The following BICC1 variants were observed in gnomAD, a reference collection of about 807,000 sequenced individuals.
BICC1 encodes the protein BicC family RNA binding protein 1.
BICC1 carries 43 observed loss-of-function variants against 111.0 expected under a neutral mutation model. That is an observed-to-expected ratio of 0.39 (90% confidence interval 0.30 to 0.50). BICC1 has a LOEUF of 0.50. Ranked by LOEUF, BICC1 falls within the 20% of genes least tolerant of loss-of-function variation. The pLI is 0.88. For synonymous variants in BICC1, 467 were observed against 434.4 expected, an observed-to-expected ratio of 1.07 and a Z score of -0.93; for missense variants, 1,091 against 1,203.2, an observed-to-expected ratio of 0.91 and a Z score of 1.38.
At chr10:58,518,574 T>TTGTG (rs145171063) in intron 1 of BICC1, among the ~76,000 whole-genome samples, 8 of 59,264 alleles carry the variant, frequency 1.3e-4, no homozygotes, top group Non-Finnish European at 2.0e-4. Flanking sequence ...TGTGAATCCT[T>TTGTG]TGTGTATGTG....
intron 2 of BICC1, among the ~76,000 whole-genome samples, chr10:58,663,694 C>T (rs1431802503): frequency 6.6e-6 from 1 of 152,194 alleles, no homozygotes; most frequent in East Asian, 1.9e-4. Flanking sequence ...GCCTGATGAT[C>T]TGCGGTGGGA....
intron 2 of BICC1, among the ~76,000 whole-genome samples, chr10:58,622,373 A>G (rs1845845797): frequency 6.6e-6 from 1 of 152,216 alleles, no homozygotes; most frequent in Admixed American, 6.5e-5. Context: ...GAGTCAAAAT[A>G]TGGTGTATAT....
rs1352119954 is a variant in BICC1, at chr10:58,676,524, C to A, written c.238-25550C>A. Among the ~76,000 whole-genome samples the A allele has an allele frequency of 3.9e-5, 6 of 152,318 alleles. No individual in the cohort carries two copies. In the East Asian group the frequency reaches 1.2e-3, roughly 29 times the overall value. On this transcript the variant is annotated intron_variant, in intron 2 of 20. Transcript: ENST00000373886. Reference sequence around the variant, plus strand: ...GATTCCTCCTCTCTGGGCAGGGAATCTCTGAAAGGCAACAGCCCCAGTCAG... The same window carrying A: ...GATTCCTCCTCTCTGGGCAGGGAATATCTGAAAGGCAACAGCCCCAGTCAG...
At chr10:58,596,066 A>G (rs998691456) in intron 1 of BICC1, among the ~76,000 whole-genome samples, 2 of 152,250 alleles carry the variant, frequency 1.3e-5, no homozygotes, top group Admixed American at 6.5e-5. Context: ...CTACTATCAG[A>G]GAATAGTATA....
chr10:58,701,084 G>A (rs988401264), intron 2 of BICC1, among the ~76,000 whole-genome samples: 1 of 152,114 alleles, frequency 6.6e-6, no homozygotes, highest in African/African-American at 2.4e-5. Context: ...GTACTGAGGA[G>A]AAAAAGGTAC....
intron 3 of BICC1, among the ~76,000 whole-genome samples, chr10:58,769,594 A>G (rs753160375): frequency 1.3e-5 from 2 of 151,630 alleles, no homozygotes; most frequent in Non-Finnish European, 2.9e-5. Flanking sequence ...TGTTTGATTT[A>G]AAGATTTCTG....
intron 2 of BICC1, chr10:58,650,204 T>C (rs966084257): frequency 6.6e-6 from 1 of 152,182 alleles, no homozygotes; most frequent in Non-Finnish European, 1.5e-5. Context: ...TCTCTGTCTC[T>C]TTCTCCCTGT....
chr10:58,781,756 C>G (rs907641952), intron 3 of BICC1, among the ~76,000 whole-genome samples: 6 of 152,012 alleles, frequency 3.9e-5, no homozygotes, highest in African/African-American at 1.5e-4. Flanking sequence ...CATTGAAAAA[C>G]AGAGACCTGT....
chr10:58,763,055 A>AG (rs1842361664), intron 3 of BICC1, among the ~76,000 whole-genome samples: 1 of 134,722 alleles, frequency 7.4e-6, no homozygotes, highest in Non-Finnish European at 1.7e-5. Flanking sequence ...GGGGAAATAT[A>AG]GGAAAAAAAA....
In BICC1 at chr10:58,778,663, G is replaced by A. The variant is rs79095144; in HGVS notation, c.308-6338G>A. Among the ~76,000 whole-genome samples, 819 of 152,176 alleles carry A rather than the reference G, an allele frequency of 5.4e-3. 15 individuals carry two copies. The highest frequency in any genetic ancestry group is 0.033 in the East Asian group (170 of 5,168). Reference sequence around the variant, plus strand: ...GGGGCAGCAGATAAATTCTGACTAAGTGGACCTACACAGTTCAAATCCATG... The same window carrying A: ...GGGGCAGCAGATAAATTCTGACTAAATGGACCTACACAGTTCAAATCCATG... On this transcript the variant is annotated intron_variant, in intron 3 of 20. Transcript: ENST00000373886.
intron 17 of BICC1, among the ~76,000 whole-genome samples, chr10:58,810,823 C>T (rs1444885918): frequency 6.6e-6 from 1 of 151,792 alleles, no homozygotes; most frequent in South Asian, 2.1e-4. Flanking sequence ...TTTCATTTTT[C>T]AAAAGAAAAA....
chr10:58,521,624 T>C (rs758370538), intron 1 of BICC1, among the ~76,000 whole-genome samples: 41 of 151,050 alleles, frequency 2.7e-4, no homozygotes, highest in Non-Finnish European at 4.9e-4. Context: ...TAGAAAGCAA[T>C]TGAATTACCA....
intron 2 of BICC1, among the ~76,000 whole-genome samples, chr10:58,665,555 A>G (rs1273638366): frequency 2.6e-5 from 4 of 152,166 alleles, no homozygotes; most frequent in African/African-American, 9.7e-5. Flanking sequence ...TCTATCGCCA[A>G]TAGTGCATAA....
intron 20 of BICC1, among the ~76,000 whole-genome samples, chr10:58,820,745 A>G (rs751791472): frequency 1.3e-5 from 2 of 152,156 alleles, no homozygotes; most frequent in Non-Finnish European, 2.9e-5. Flanking sequence ...GAACATGAGA[A>G]GTTGGGGAGA....
intron 1 of BICC1, among the ~76,000 whole-genome samples, chr10:58,602,618 A>G (rs1336373428): frequency 1.3e-5 from 2 of 152,164 alleles, no homozygotes; most frequent in East Asian, 3.8e-4. Context: ...ATCTTTTTTC[A>G]AACTAAATGT....
At chr10:58,513,599 GGC>G (rs1842158422) in intron 1 of BICC1, among the ~76,000 whole-genome samples, 1 of 152,208 alleles carries the variant, frequency 6.6e-6, no homozygotes, top group Admixed American at 6.5e-5. Context: ...AGTTTGTACT[GGC>G]GCGCCCAAGT....
intron 9 of BICC1, among the ~76,000 whole-genome samples, chr10:58,795,568 G>A (rs529714546): frequency 1.9e-4 from 29 of 152,192 alleles, no homozygotes; most frequent in African/African-American, 7.0e-4. Context: ...GAACTCCAGA[G>A]CCTTGCAGCA....
At chr10:58,546,870 A>G (rs941715056) in intron 1 of BICC1, among the ~76,000 whole-genome samples, 8 of 152,196 alleles carry the variant, frequency 5.3e-5, no homozygotes, top group African/African-American at 1.4e-4. Flanking sequence ...AAGATAACAT[A>G]TTGGCCTCCT....
intron 3 of BICC1, among the ~76,000 whole-genome samples, chr10:58,724,131 C>T (rs570450507): frequency 6.6e-6 from 1 of 152,276 alleles, no homozygotes; most frequent in Non-Finnish European, 1.5e-5. Flanking sequence ...CTTTTGCTAG[C>T]CAGTTTTGAA....
Sources: gnomAD v4.1 joint callset for allele counts (sites outside exome capture counted in the v4.1 genomes callset) on GRCh38, gnomAD v4.1.1 for gene constraint, MANE v1.5 for transcripts, NCBI Gene and HGNC (gene_info 2026-07-23, HGNC 2026-07-21) for gene names.